Variants in DNER observed in about 807,000 individuals in gnomAD.
The protein encoded by DNER is delta/notch like EGF repeat containing, also known as delta and Notch-like epidermal growth factor-related receptor.
A neutral mutation model predicts 78.2 loss-of-function variants in DNER; 33 were observed. The ratio of observed to expected loss-of-function variants is 0.42; its 90% CI spans 0.32 to 0.56. The LOEUF (loss-of-function observed/expected upper bound fraction) is 0.56. Ranked by LOEUF, DNER falls within the 20% of genes least tolerant of loss-of-function variation. The pLI, the probability that DNER is intolerant of heterozygous loss-of-function variation, is 0.11. For synonymous variants in DNER, 417 were observed against 384.8 expected (o/e 1.08, Z -0.98); for missense variants, 918 against 975.3 (o/e 0.94, Z 0.78).
intron 1 of DNER, among the ~76,000 whole-genome samples, chr2:229,632,120 C>G (rs775806579): frequency 1.3e-5 from 2 of 152,122 alleles, no homozygotes; most frequent in Non-Finnish European, 2.9e-5. Flanking sequence ...AAGGCAGTGC[C>G]ATTGAACAGA....
chr2:229,554,920 G>C (rs1696825486), intron 4 of DNER, among the ~76,000 whole-genome samples: 1 of 70,704 alleles, frequency 1.4e-5, no homozygotes, highest in Admixed American at 1.8e-4. Flanking sequence ...GAGAAGAGAA[G>C]AGAAGAGAAG....
chr2:229,526,295 C>T lies in DNER; in HGVS notation c.994-13359G>A, dbSNP rs185562353. ...TTTGAATTTAAGAACATTAACACTG[C>T]TCGCGTGTTCCTCTCAAAAGTGCCT... On this transcript the variant is annotated intron_variant, in intron 5 of 12. Coordinates refer to ENST00000341772, the MANE Select transcript of DNER (RefSeq NM_139072.4). 3.3e-3 allele frequency among the ~76,000 whole-genome samples: 502 copies of T among 152,330 alleles called. 5 individuals are homozygous for T. The highest frequency in any genetic ancestry group is 0.012 in the African/African-American group (484 of 41,570).
chr2:229,499,239 AGTT>A (rs1325136465), intron 6 of DNER, among the ~76,000 whole-genome samples: 3 of 152,072 alleles, frequency 2.0e-5, no homozygotes, highest in Non-Finnish European at 4.4e-5. Flanking sequence ...TGAGGTCAGG[AGTT>A]TGAGACCAGC....
intron 1 of DNER, among the ~76,000 whole-genome samples, chr2:229,707,225 C>T (rs890370321): frequency 6.6e-5 from 8 of 120,536 alleles, no homozygotes; most frequent in Admixed American, 2.2e-4. Context: ...AGTAGGGATG[C>T]GGTTTCACCA....
At chr2:229,650,879 G>A (rs1698804404) in intron 1 of DNER, among the ~76,000 whole-genome samples, 1 of 152,192 alleles carries the variant, frequency 6.6e-6, no homozygotes, top group African/African-American at 2.4e-5. Flanking sequence ...GCTGTGAAGT[G>A]CTTTCTATAG....
intron 1 of DNER, among the ~76,000 whole-genome samples, chr2:229,652,507 T>C (rs1308280218): frequency 6.6e-6 from 1 of 152,102 alleles, no homozygotes; most frequent in East Asian, 1.9e-4. Flanking sequence ...ATCCCATCAA[T>C]ATGATGTTAA....
chr2:229,687,577 CTTCT>C (rs1228610787), intron 1 of DNER, among the ~76,000 whole-genome samples: 1 of 152,122 alleles, frequency 6.6e-6, no homozygotes, highest in Non-Finnish European at 1.5e-5. Context: ...AAATTTCCAA[CTTCT>C]TTCTAAGGAC....
intron 4 of DNER, among the ~76,000 whole-genome samples, chr2:229,581,046 T>C (rs1173569097): frequency 1.3e-5 from 2 of 152,100 alleles, no homozygotes; most frequent in Non-Finnish European, 2.9e-5. Context: ...AGAAGTCCAC[T>C]GTGCAGAACA....
intron 5 of DNER, among the ~76,000 whole-genome samples, chr2:229,544,130 C>T (rs887960371): frequency 3.3e-5 from 5 of 152,092 alleles, no homozygotes; most frequent in African/African-American, 1.2e-4. Context: ...GTTATTTTAC[C>T]CCTCCCTAGC....
At chr2:229,680,125 A>G (rs1194108682) in intron 1 of DNER, among the ~76,000 whole-genome samples, 3 of 152,216 alleles carry the variant, frequency 2.0e-5, no homozygotes, top group Non-Finnish European at 1.5e-5. Context: ...CACACCCTCT[A>G]CAACTCAAAG....
At chr2:229,535,905 A>G (rs762942204) in intron 5 of DNER, among the ~76,000 whole-genome samples, 2 of 152,130 alleles carry the variant, frequency 1.3e-5, no homozygotes, top group Non-Finnish European at 2.9e-5. Flanking sequence ...CAGCCTCCCA[A>G]AGTGCTGGGA....
At chr2:229,553,358 C>T (rs183590242) in intron 4 of DNER, among the ~76,000 whole-genome samples, 158 of 152,230 alleles carry the variant, frequency 1.0e-3, no homozygotes, top group Admixed American at 1.6e-3. Flanking sequence ...ACATTCTATG[C>T]AGAATTAGTC....
chr2:229,401,567 AT>A (rs1462980447), intron 10 of DNER, among the ~76,000 whole-genome samples: 3 of 152,122 alleles, frequency 2.0e-5, no homozygotes, highest in Non-Finnish European at 2.9e-5. Context: ...AGAAAAAAAA[AT>A]CAATCTCAAA....
chr2:229,531,894 C>T (rs1486159078), intron 5 of DNER, among the ~76,000 whole-genome samples: 1 of 152,062 alleles, frequency 6.6e-6, no homozygotes, highest in Non-Finnish European at 1.5e-5. Context: ...GTGAAAGAAG[C>T]AGACACAAAA....
intron 5 of DNER, among the ~76,000 whole-genome samples, chr2:229,545,831 T>C (rs1696617470): frequency 6.6e-6 from 1 of 152,236 alleles, no homozygotes; most frequent in Non-Finnish European, 1.5e-5. Context: ...ATCTCATCCA[T>C]GCCTCTTCTC....
rs1173043760 is a variant in DNER at position 229,691,810 on chromosome 2, C to T, written c.276+22338G>A. Reference sequence around the variant, plus strand: ...TGGTGGACACATGACTGAGGCCTGACCAATCAGCAGAATCTAACCCCTCAG... The same window carrying T: ...TGGTGGACACATGACTGAGGCCTGATCAATCAGCAGAATCTAACCCCTCAG... On this transcript the variant is annotated intron_variant, in intron 1 of 12. Coordinates refer to ENST00000341772, the MANE Select transcript of DNER (RefSeq NM_139072.4). Among the ~76,000 whole-genome samples, 6 of 152,182 alleles carry T rather than the reference C, an allele frequency of 3.9e-5. No individual in the cohort carries two copies. The East Asian group carries it at 1.2e-3, about 29-fold the overall frequency.
chr2:229,418,016 A>G (rs1446038460), intron 9 of DNER, 92 bp downstream of exon 9: 3 of 1,586,858 alleles, frequency 1.9e-6, no homozygotes, highest in East Asian at 2.2e-5. Flanking sequence ...TGAACAATTC[A>G]TGGTCCAATT....
chr2:229,519,974 A>G (rs1696061997), intron 5 of DNER, among the ~76,000 whole-genome samples: 1 of 152,202 alleles, frequency 6.6e-6, no homozygotes, highest in Admixed American at 6.5e-5. Context: ...AGTAAAAACT[A>G]TCCTATCTGG....
In DNER at chr2:229,691,672, G is replaced by T. The variant is rs547395945; in HGVS notation, c.276+22476C>A. Among the ~76,000 whole-genome samples, 5 of 151,948 alleles carry T rather than the reference G, an allele frequency of 3.3e-5. No individual in the cohort carries two copies. In the South Asian group the frequency reaches 1.0e-3, roughly 32 times the overall value. Reference sequence around the variant, plus strand: ...ACTGCATAAAATACAAAATCTATAGGCTATTTGCTAAAGAGACACTTTAAA... The same window carrying T: ...ACTGCATAAAATACAAAATCTATAGTCTATTTGCTAAAGAGACACTTTAAA... On this transcript the variant is annotated intron_variant, in intron 1 of 12. Coordinates refer to ENST00000341772, the MANE Select transcript of DNER (RefSeq NM_139072.4).
Sources: gnomAD v4.1 joint callset for allele counts (sites outside exome capture counted in the v4.1 genomes callset) on GRCh38, gnomAD v4.1.1 for gene constraint, MANE v1.5 for transcripts, NCBI Gene and HGNC (gene_info 2026-07-23, HGNC 2026-07-21) for gene names.